Variants in IGF2BP2 observed in about 807,000 individuals in gnomAD.
The protein encoded by IGF2BP2 is insulin like growth factor 2 mRNA binding protein 2.
Under a neutral mutation model 75.8 loss-of-function variants are expected in IGF2BP2, and 17 were observed. The observed-to-expected ratio is 0.22, with a 90% CI of 0.15 to 0.34. The LOEUF is 0.34. Ranked by LOEUF, IGF2BP2 falls within the 10% of genes least tolerant of loss-of-function variation. The pLI is 1.00. For synonymous variants in IGF2BP2, 288 were observed against 295.6 expected, an observed-to-expected ratio of 0.97 and a Z score of 0.26; for missense variants, 516 against 772.4, an observed-to-expected ratio of 0.67 and a Z score of 3.93.
intron 2 of IGF2BP2, among the ~76,000 whole-genome samples, chr3:185,793,842 G>T (rs1425694663): frequency 6.6e-6 from 1 of 152,080 alleles, no homozygotes. Context: ...GAATCTAACA[G>T]CTCTATGGAG....
chr3:185,751,540 TC>T (rs1176040510), intron 2 of IGF2BP2, among the ~76,000 whole-genome samples: 1 of 147,040 alleles, frequency 6.8e-6, no homozygotes, highest in East Asian at 2.0e-4. Context: ...ACTAGTATTC[TC>T]CTGCTGAGGC....
chr3:185,688,888 A>G (rs1371612906), intron 6 of IGF2BP2, among the ~76,000 whole-genome samples: 1 of 152,196 alleles, frequency 6.6e-6, no homozygotes, highest in African/African-American at 2.4e-5. Context: ...ACAGGGAGGA[A>G]ACTAAACAGA....
Position 185,755,327 on chromosome 3 carries a change from G to C in IGF2BP2, c.240-56980C>G, listed in dbSNP as rs527457794. Among the ~76,000 whole-genome samples, 15 of 152,324 alleles carry C rather than the reference G, an allele frequency of 9.8e-5. 1 individual carries two copies. The highest frequency in any genetic ancestry group is 6.5e-4 in the Admixed American group (10 of 15,308). ...CCATAAACCTTGGTAGCTTCCACAT[G>C]GTGTTAAGCTTACAGGCACAGAGAG... is the stretch of plus-strand genomic sequence containing the variant. On this transcript the variant is annotated intron_variant, in intron 2 of 15. Transcript: ENST00000382199.
intron 4 of IGF2BP2, 95 bp from the exon 5 acceptor site, chr3:185,692,857 AACCCTCATC>A (rs1166150415): frequency 2.9e-6 from 3 of 1,020,262 alleles, no homozygotes; most frequent in Non-Finnish European, 4.6e-6. Context: ...AAATGCATAA[AACCCTCATC>A]ACACTGGCTC....
chr3:185,667,985 G>C (rs2149185314), intron 10 of IGF2BP2, among the ~76,000 whole-genome samples: 1 of 152,254 alleles, frequency 6.6e-6, no homozygotes, highest in East Asian at 1.9e-4. Context: ...TTAGACTACA[G>C]TATAGTGTAA....
At chr3:185,795,671 A>C (rs968578670) in intron 2 of IGF2BP2, among the ~76,000 whole-genome samples, 1 of 152,226 alleles carries the variant, frequency 6.6e-6, no homozygotes, top group African/African-American at 2.4e-5. Context: ...ACCTGAGGTC[A>C]GGAGTTCGAG....
At chr3:185,685,982 A>G (rs1721069654) in intron 7 of IGF2BP2, among the ~76,000 whole-genome samples, 1 of 152,016 alleles carries the variant, frequency 6.6e-6, no homozygotes, top group Non-Finnish European at 1.5e-5. Context: ...TTCCATCACC[A>G]CTCATTCATT....
intron 2 of IGF2BP2, among the ~76,000 whole-genome samples, chr3:185,801,014 GA>G (rs994921812): frequency 1.4e-5 from 2 of 143,994 alleles, no homozygotes; most frequent in African/African-American, 5.1e-5. Flanking sequence ...AAACTTATAA[GA>G]AAAAAAAACA....
chr3:185,665,085 A>G (rs1717084753), intron 10 of IGF2BP2, among the ~76,000 whole-genome samples: 1 of 149,986 alleles, frequency 6.7e-6, no homozygotes, highest in Non-Finnish European at 1.5e-5. Context: ...GCATCACTTG[A>G]GCCCAGGAGT....
intron 2 of IGF2BP2, among the ~76,000 whole-genome samples, chr3:185,774,952 G>T (rs900427672): frequency 6.6e-6 from 1 of 151,180 alleles, no homozygotes; most frequent in African/African-American, 2.4e-5. Context: ...CCTGGGAGGC[G>T]GGGCTTGCAG....
rs1721623736 is a variant in IGF2BP2 at position 185,689,525 on chromosome 3, G to A, written c.507C>T (p.Ala169=). The change falls in exon 6 of 16, where the codon GCC becomes GCT. Residue 169 remains alanine, a synonymous_variant. Coordinates refer to ENST00000382199, the MANE Select transcript of IGF2BP2 (RefSeq NM_006548.6). Reference sequence around the variant, plus strand: ...CCCGGGAAGAGTGGTCCCCACGCTGGGCTCGCTGAGGGGGCGAAGGGGAGC... The same window carrying A: ...CCCGGGAAGAGTGGTCCCCACGCTGAGCTCGCTGAGGGGGCGAAGGGGAGC... The part of the protein sequence containing the change: ...EVSSPSPPQR[A]QRGDHSSREQ... 1.9e-6 allele frequency: 3 copies of A among 1,614,230 alleles called. No homozygotes were observed. Among genetic ancestry groups the A allele is most frequent in the Non-Finnish European group, 2.5e-6 (3 of 1,180,044 alleles).
chr3:185,731,316 G>A, intron 2 of IGF2BP2, among the ~76,000 whole-genome samples: 1 of 145,776 alleles, frequency 6.9e-6, no homozygotes, highest in Non-Finnish European at 1.5e-5. Flanking sequence ...GTGCAATCTT[G>A]GTTCACTGCG....
At chr3:185,676,351 A>G (rs1391468676) in intron 7 of IGF2BP2, among the ~76,000 whole-genome samples, 1 of 152,156 alleles carries the variant, frequency 6.6e-6, no homozygotes, top group Non-Finnish European at 1.5e-5. Flanking sequence ...AGATCAGCTG[A>G]GAAGCTATAA....
chr3:185,802,818 CACAA>C (rs1170044704), intron 2 of IGF2BP2, among the ~76,000 whole-genome samples: 7 of 152,120 alleles, frequency 4.6e-5, no homozygotes, highest in Admixed American at 4.6e-4. Context: ...TGAGAACATC[CACAA>C]ACACTTTCCT....
At chr3:185,788,484 C>T (rs542268040) in intron 2 of IGF2BP2, among the ~76,000 whole-genome samples, 1 of 152,210 alleles carries the variant, frequency 6.6e-6, no homozygotes, top group South Asian at 2.1e-4. Flanking sequence ...GCACTCTCAG[C>T]CTGGGCAACA....
intron 14 of IGF2BP2, among the ~76,000 whole-genome samples, chr3:185,648,968 C>T (rs1459567936): frequency 6.6e-6 from 1 of 151,374 alleles, no homozygotes. Context: ...TGAGTGAAAT[C>T]CAGGGAAGGT....
At chr3:185,767,174 G>A (rs1733199137) in intron 2 of IGF2BP2, among the ~76,000 whole-genome samples, 1 of 152,206 alleles carries the variant, frequency 6.6e-6, no homozygotes, top group South Asian at 2.1e-4. Flanking sequence ...CAGTTCTGCA[G>A]ACTATCAAGA....
At chr3:185,653,410 CA>C (rs1245823628) in intron 12 of IGF2BP2, among the ~76,000 whole-genome samples, 2 of 152,020 alleles carry the variant, frequency 1.3e-5, no homozygotes, top group African/African-American at 2.4e-5. Flanking sequence ...CACCTGGGGT[CA>C]GGAGTTCGAG....
intron 11 of IGF2BP2, 79 bp from the exon 12 acceptor site, chr3:185,657,481 T>A: frequency 3.6e-6 from 4 of 1,098,620 alleles, no homozygotes; most frequent in Non-Finnish European, 5.4e-6. Context: ...ACCAAGCACC[T>A]TACCATGAAC....
Sources: gnomAD v4.1 joint callset for allele counts (sites outside exome capture counted in the v4.1 genomes callset) on GRCh38, gnomAD v4.1.1 for gene constraint, MANE v1.5 for transcripts, NCBI Gene and HGNC (gene_info 2026-07-23, HGNC 2026-07-21) for gene names.